The following CDH6 variants were observed in gnomAD, a reference collection of about 807,000 sequenced individuals.
CDH6 encodes cadherin 6, also known as cadherin-6.
A neutral mutation model predicts 78.0 loss-of-function variants in CDH6; 31 were observed. That is an observed-to-expected ratio of 0.40 (90% CI 0.30 to 0.54). CDH6 has a LOEUF of 0.54. Among genes scored for constraint, CDH6 ranks in the 20% least tolerant of loss-of-function variants. The pLI, the probability that CDH6 is intolerant of heterozygous loss-of-function variation, is 0.56. For missense variants in CDH6, 724 were observed against 975.9 expected, an observed-to-expected ratio of 0.74 and a Z score of 3.44; for synonymous variants, 376 against 368.8, an observed-to-expected ratio of 1.02 and a Z score of -0.23.
rs77412304 is a variant in CDH6, at chr5:31,233,520, A to AAAAACC, written c.-128-33822_-128-33821insCCAAAA. On this transcript the variant is annotated intron_variant, in intron 1 of 11. Transcript: ENST00000265071. ...ACAGAGTGGGACTCTGTCTCAAAAAAAAAAAACAAAACAAAAACTTTGCTT... is the reference window on the plus strand; with the variant it reads ...ACAGAGTGGGACTCTGTCTCAAAAAAAAAACCAAAAAACAAAACAAAAACTTTGCTT... Among the ~76,000 whole-genome samples, 136 of 149,954 alleles carry AAAAACC rather than the reference A, an allele frequency of 9.1e-4. 1 individual carries two copies. Among genetic ancestry groups the AAAAACC allele is most frequent in the African/African-American group, 3.2e-3 (132 of 40,910 alleles).
intron 2 of CDH6, 126 bp downstream of exon 2, chr5:31,267,827 CT>C (rs1005809554): frequency 0.068 from 30,782 of 452,290 alleles, 1 homozygote; most frequent in South Asian, 0.11. Context: ...ACTGGTAAGA[CT>C]TTTTTTTTTT....
intron 6 of CDH6, among the ~76,000 whole-genome samples, chr5:31,302,798 G>GAGAAAGAA (rs1180539177): frequency 2.2e-4 from 8 of 36,582 alleles, no homozygotes; most frequent in African/African-American, 5.0e-4. Context: ...GAGAGAGAGA[G>GAGAAAGAA]AGAAAGAAAG....
At chr5:31,217,555 G>A (rs1740901722) in intron 1 of CDH6, among the ~76,000 whole-genome samples, 1 of 152,028 alleles carries the variant, frequency 6.6e-6, no homozygotes, top group African/African-American at 2.4e-5. Flanking sequence ...GTTATTTCAG[G>A]ACTATTAATT....
chr5:31,246,566 T>C (rs781274443), intron 1 of CDH6, among the ~76,000 whole-genome samples: 24 of 152,170 alleles, frequency 1.6e-4, no homozygotes, highest in Non-Finnish European at 3.1e-4. Flanking sequence ...AGCCCAGGAT[T>C]GTGCAAGAGG....
chr5:31,297,145 T>G, intron 3 of CDH6, 144 bp from the exon 4 acceptor site: 1 of 694,334 alleles, frequency 1.4e-6, no homozygotes, highest in Non-Finnish European at 2.5e-6. Flanking sequence ...AATCCAATCC[T>G]TTTTCACCCA....
At chr5:31,218,805 C>G (rs1410318397) in intron 1 of CDH6, among the ~76,000 whole-genome samples, 3 of 152,188 alleles carry the variant, frequency 2.0e-5, no homozygotes, top group African/African-American at 7.2e-5. Context: ...AAATTTAAGT[C>G]AGAGCATGTT....
chr5:31,288,681 C>G (rs545711520), intron 2 of CDH6, among the ~76,000 whole-genome samples: 8 of 152,326 alleles, frequency 5.3e-5, no homozygotes, highest in African/African-American at 1.7e-4. Context: ...TGTTCTCTCT[C>G]TCTGCTGTAA....
intron 2 of CDH6, among the ~76,000 whole-genome samples, chr5:31,271,468 C>T (rs1455934145): frequency 6.6e-6 from 1 of 152,130 alleles, no homozygotes; most frequent in African/African-American, 2.4e-5. Flanking sequence ...AATGCAGAGA[C>T]ACGGACAAGA....
intron 2 of CDH6, among the ~76,000 whole-genome samples, chr5:31,282,365 A>G (rs1742885166): frequency 6.6e-6 from 1 of 152,070 alleles, no homozygotes; most frequent in African/African-American, 2.4e-5. Flanking sequence ...CTTCAAGCCC[A>G]GAAGCATAGA....
intron 2 of CDH6, 104 bp from the exon 3 acceptor site, chr5:31,293,858 A>G (rs942871900): frequency 4.4e-6 from 3 of 679,162 alleles, no homozygotes; most frequent in African/African-American, 3.7e-5. Flanking sequence ...TATTCCTTAG[A>G]AAGAATTTAA....
chr5:31,287,186 G>C (rs761268558), intron 2 of CDH6, among the ~76,000 whole-genome samples: 25 of 152,142 alleles, frequency 1.6e-4, no homozygotes, highest in Admixed American at 9.2e-4. Flanking sequence ...GATCTCATGT[G>C]GGGAGAGCAT....
At chr5:31,264,945 A>G (rs2149932079) in intron 1 of CDH6, among the ~76,000 whole-genome samples, 1 of 152,328 alleles carries the variant, frequency 6.6e-6, no homozygotes, top group Non-Finnish European at 1.5e-5. Context: ...CAACACCCAC[A>G]GGGATCGATT....
At chr5:31,216,162 C>A (rs1454213942) in intron 1 of CDH6, among the ~76,000 whole-genome samples, 2 of 150,968 alleles carry the variant, frequency 1.3e-5, no homozygotes, top group African/African-American at 4.9e-5. Context: ...AACTTAGGGT[C>A]TGTTCTAAAA....
chr5:31,228,778 A>G (rs1741234484), intron 1 of CDH6, among the ~76,000 whole-genome samples: 1 of 152,174 alleles, frequency 6.6e-6, no homozygotes, highest in African/African-American at 2.4e-5. Flanking sequence ...AGCTCAGGCT[A>G]CAATGCTGGT....
chr5:31,268,748 T>C (rs1742435039), intron 2 of CDH6, among the ~76,000 whole-genome samples: 1 of 152,202 alleles, frequency 6.6e-6, no homozygotes, highest in Non-Finnish European at 1.5e-5. Context: ...TTCCAAAGGC[T>C]GCATGTTCAC....
intron 1 of CDH6, among the ~76,000 whole-genome samples, chr5:31,210,884 A>G (rs569893863): frequency 3.3e-4 from 51 of 152,308 alleles, no homozygotes; most frequent in Admixed American, 2.2e-3. Flanking sequence ...ACAGATACAG[A>G]GGGCCAACTG....
chr5:31,292,870 T>G, intron 2 of CDH6, among the ~76,000 whole-genome samples: 1 of 105,956 alleles, frequency 9.4e-6, no homozygotes, highest in South Asian at 3.3e-4. Flanking sequence ...TATATATATA[T>G]ATATGTATGT....
rs1472518040 is a variant in CDH6, at chr5:31,326,227, G to T, written c.*2919G>T. 1 of 223,014 alleles carries T rather than the reference G, an allele frequency of 4.5e-6. No homozygotes were observed. The highest frequency in any genetic ancestry group is 8.9e-6 in the Non-Finnish European group (1 of 111,814). 13.8% of individuals were successfully genotyped at this position (223,014 alleles called of 1,614,324 possible). On this transcript the variant is annotated 3_prime_UTR_variant, in exon 12 of 12. Transcript: ENST00000265071. ...CATTAAGCATAACCAGATTGCTTTT[G>T]TGGGTTGTTTCAAGGACATTGAGAG...
intron 1 of CDH6, among the ~76,000 whole-genome samples, chr5:31,252,579 G>A (rs980798955): frequency 2.0e-5 from 3 of 152,094 alleles, no homozygotes; most frequent in African/African-American, 7.2e-5. Context: ...TAATTGGTAG[G>A]TGTGCAAATA....
Sources: allele counts gnomAD v4.1 joint callset (sites outside exome capture counted in the v4.1 genomes callset), GRCh38; gene constraint gnomAD v4.1.1; transcripts MANE v1.5; gene names NCBI Gene and HGNC (gene_info 2026-07-23, HGNC 2026-07-21).